MDGA2: variants seen among roughly 807,000 people sequenced by gnomAD.
MDGA2 encodes the protein MAM domain containing glycosylphosphatidylinositol anchor 2.
MDGA2 carries 40 observed loss-of-function variants against 117.8 expected under a neutral mutation model. The ratio of observed to expected loss-of-function variants is 0.34; its 90% CI spans 0.26 to 0.44. The LOEUF (loss-of-function observed/expected upper bound fraction) is 0.44. MDGA2 is among the 20% of genes least tolerant of loss of function. The pLI, the probability that MDGA2 is intolerant of heterozygous loss-of-function variation, is 1.00. For synonymous variants in MDGA2, 452 were observed against 439.0 expected, an observed-to-expected ratio of 1.03 and a Z score of -0.37; for missense variants, 1,123 against 1,250.6, an observed-to-expected ratio of 0.90 and a Z score of 1.54.
intron 2 of MDGA2, among the ~76,000 whole-genome samples, chr14:47,245,959 A>G (rs1887223013): frequency 6.6e-6 from 1 of 151,758 alleles, no homozygotes; most frequent in Non-Finnish European, 1.5e-5. Flanking sequence ...CAGACGAAGA[A>G]ATTGAGGTAA....
chr14:47,265,869 G>A (rs1400572062), intron 2 of MDGA2, among the ~76,000 whole-genome samples: 2 of 151,974 alleles, frequency 1.3e-5, no homozygotes, highest in Non-Finnish European at 2.9e-5. Context: ...GCTCTCTTCA[G>A]ACCTTTAAAA....
At chr14:47,394,082 G>A (rs923071940) in intron 1 of MDGA2, among the ~76,000 whole-genome samples, 2 of 151,994 alleles carry the variant, frequency 1.3e-5, no homozygotes, top group East Asian at 3.9e-4. Flanking sequence ...GAAAATGCCA[G>A]TTCATCACTT....
chr14:47,214,274 T>G (rs781056373), intron 3 of MDGA2, among the ~76,000 whole-genome samples: 4 of 152,112 alleles, frequency 2.6e-5, no homozygotes, highest in Non-Finnish European at 5.9e-5. Flanking sequence ...TAGCTTTTGA[T>G]CAGAAATATT....
chr14:47,417,614 C>T (rs1892500624), intron 1 of MDGA2, among the ~76,000 whole-genome samples: 1 of 152,112 alleles, frequency 6.6e-6, no homozygotes, highest in Non-Finnish European at 1.5e-5. Context: ...TAGCATGCAC[C>T]TCAAAACTTT....
intron 3 of MDGA2, among the ~76,000 whole-genome samples, chr14:47,164,211 T>C (rs1301651117): frequency 6.6e-6 from 1 of 152,196 alleles, no homozygotes; most frequent in East Asian, 1.9e-4. Flanking sequence ...CCTCTCCCAC[T>C]GGCCCTGAAA....
intron 6 of MDGA2, among the ~76,000 whole-genome samples, chr14:47,086,094 G>GTTTTTTTTTTTTTTTT (rs11331632): frequency 7.1e-6 from 1 of 141,774 alleles, no homozygotes; most frequent in African/African-American, 2.6e-5. Flanking sequence ...AATGTGTAAG[G>GTTTTTTTTTTTTTTTT]TTTTTTTTTT....
chr14:47,618,082 C>T (rs558755883), intron 1 of MDGA2, among the ~76,000 whole-genome samples: 1 of 152,196 alleles, frequency 6.6e-6, no homozygotes, highest in East Asian at 1.9e-4. Context: ...AAACTCAGAG[C>T]AATTTTGAGA....
At chr14:47,446,997 G>A (rs1893136938) in intron 1 of MDGA2, among the ~76,000 whole-genome samples, 1 of 152,088 alleles carries the variant, frequency 6.6e-6, no homozygotes, top group Admixed American at 6.6e-5. Flanking sequence ...GAACACAATG[G>A]TATAGAATCA....
Position 47,305,654 on chromosome 14 carries a change from T to C in MDGA2, c.281-4104A>G, listed in dbSNP as rs547085530. On this transcript the variant is annotated intron_variant, in intron 1 of 16. Coordinates refer to ENST00000399232, the MANE Select transcript of MDGA2 (RefSeq NM_001113498.3). ...TCATATATAGACTTTCAAGCGTATA[T>C]TTATTGAGCAGCTGCTATAGCAGGC... Among the ~76,000 whole-genome samples the C allele has an allele frequency of 7.2e-5, 11 of 152,258 alleles. No homozygotes were observed. The South Asian group carries it at 2.3e-3, about 32-fold the overall frequency.
chr14:47,494,447 G>C (rs1157691297), intron 1 of MDGA2, among the ~76,000 whole-genome samples: 1 of 152,030 alleles, frequency 6.6e-6, no homozygotes, highest in African/African-American at 2.4e-5. Context: ...AAACACATTT[G>C]CATTGTTTGC....
At chr14:47,521,953 T>C (rs1729875514) in intron 1 of MDGA2, among the ~76,000 whole-genome samples, 1 of 152,140 alleles carries the variant, frequency 6.6e-6, no homozygotes, top group African/African-American at 2.4e-5. Context: ...ATTACAAACG[T>C]GAACCACCGC....
intron 3 of MDGA2, among the ~76,000 whole-genome samples, chr14:47,198,300 T>C (rs1300364228): frequency 6.6e-6 from 1 of 152,164 alleles, no homozygotes; most frequent in Non-Finnish European, 1.5e-5. Flanking sequence ...GGGCTGGACA[T>C]GGTGGCTCAC....
At chr14:46,873,007 CCAA>C (rs1462520106) in intron 14 of MDGA2, among the ~76,000 whole-genome samples, 1 of 151,894 alleles carries the variant, frequency 6.6e-6, no homozygotes, top group African/African-American at 2.4e-5. Context: ...AAAAATCACA[CCAA>C]CGTTTCAAAT....
intron 1 of MDGA2, among the ~76,000 whole-genome samples, chr14:47,511,922 CAG>C (rs1198454609): frequency 2.6e-5 from 4 of 152,120 alleles, no homozygotes; most frequent in African/African-American, 9.7e-5. Flanking sequence ...CTCAAAGAAA[CAG>C]GGGTTTGTGT....
chr14:46,860,730 T>C (rs936315929), intron 14 of MDGA2, among the ~76,000 whole-genome samples: 2 of 97,172 alleles, frequency 2.1e-5, no homozygotes. Flanking sequence ...CACTCTTTTG[T>C]GACCTCACAG....
At chr14:47,204,190 T>C (rs557468309) in intron 3 of MDGA2, among the ~76,000 whole-genome samples, 1 of 152,144 alleles carries the variant, frequency 6.6e-6, no homozygotes, top group African/African-American at 2.4e-5. Flanking sequence ...TTACCAATAT[T>C]ACCATTCTTG....
chr14:47,083,709 TATAGG>T (rs971658195), intron 6 of MDGA2, among the ~76,000 whole-genome samples: 26 of 152,066 alleles, frequency 1.7e-4, no homozygotes, highest in African/African-American at 6.0e-4. Flanking sequence ...AATATAATGA[TATAGG>T]TAGGTTAAAA....
chr14:46,923,046 T>A (rs1237901136), intron 9 of MDGA2, among the ~76,000 whole-genome samples: 1 of 152,232 alleles, frequency 6.6e-6, no homozygotes, highest in East Asian at 1.9e-4. Flanking sequence ...TGAACACTTT[T>A]GAAGTTACTG....
intron 3 of MDGA2, among the ~76,000 whole-genome samples, chr14:47,204,195 T>A (rs1319080802): frequency 6.6e-6 from 1 of 152,034 alleles, no homozygotes; most frequent in Admixed American, 6.6e-5. Flanking sequence ...AATATTACCA[T>A]TCTTGTCTTA....
Sources: gnomAD v4.1 joint callset for allele counts (sites outside exome capture counted in the v4.1 genomes callset) on GRCh38, gnomAD v4.1.1 for gene constraint, MANE v1.5 for transcripts, NCBI Gene and HGNC (gene_info 2026-07-23, HGNC 2026-07-21) for gene names.